LCP1: variants seen among roughly 807,000 people sequenced by gnomAD.
The protein encoded by LCP1 is lymphocyte cytosolic protein 1.
A neutral mutation model predicts 72.0 loss-of-function variants in LCP1; 23 were observed. The ratio of observed to expected loss-of-function variants is 0.32; its 90% CI spans 0.23 to 0.45. The LOEUF is 0.45. Among genes scored for constraint, LCP1 ranks in the 20% least tolerant of loss-of-function variants. The probability of loss-of-function intolerance (pLI) is 1.00; values close to 1 mark genes in which losing one functional copy is unlikely to be tolerated. For missense variants in LCP1, 571 were observed against 748.3 expected (o/e 0.76, Z 2.76); for synonymous variants, 245 against 275.4 (o/e 0.89, Z 1.09).
intron 14 of LCP1, 151 bp downstream of exon 14, chr13:46,133,976 C>T (rs879161172): frequency 3.2e-6 from 2 of 616,660 alleles, no homozygotes; most frequent in South Asian, 2.6e-5. Flanking sequence ...GGCTGATGAA[C>T]ATCAAAACAA....
chr13:46,143,077 G>A (rs1344484738), intron 12 of LCP1, among the ~76,000 whole-genome samples: 2 of 152,204 alleles, frequency 1.3e-5, no homozygotes, highest in African/African-American at 4.8e-5. Context: ...GATAATGTTT[G>A]AAGACATCCA....
At chr13:46,153,866 C>A (rs1023285929) in intron 6 of LCP1, among the ~76,000 whole-genome samples, 1 of 152,062 alleles carries the variant, frequency 6.6e-6, no homozygotes, top group African/African-American at 2.4e-5. Flanking sequence ...TGAGTAACAA[C>A]AATGCAGGTA....
intron 10 of LCP1, among the ~76,000 whole-genome samples, chr13:46,146,326 G>C (rs2045730684): frequency 6.6e-6 from 1 of 152,120 alleles, no homozygotes; most frequent in African/African-American, 2.4e-5. Flanking sequence ...ACTAGTTCAT[G>C]ATTTTTTTAA....
chr13:46,171,119 G>C (rs2045902625), intron 1 of LCP1, among the ~76,000 whole-genome samples: 1 of 152,216 alleles, frequency 6.6e-6, no homozygotes, highest in Admixed American at 6.5e-5. Context: ...TAACATTAAT[G>C]AGTGGTTAAC....
At chr13:46,148,799 A>G in intron 8 of LCP1, 1 of 913,244 alleles carries the variant, frequency 1.1e-6, no homozygotes, top group South Asian at 5.1e-5. Flanking sequence ...TTGCTGTAGA[A>G]GTCAGTCAGC....
chr13:46,169,373 T>C (rs2045893516), intron 1 of LCP1: 1 of 152,218 alleles, frequency 6.6e-6, no homozygotes, highest in African/African-American at 2.4e-5. Flanking sequence ...CATACAAATA[T>C]TGTGTACACT....
At chr13:46,148,165 G>A (rs1593951141) in intron 9 of LCP1, among the ~76,000 whole-genome samples, 187 bp downstream of exon 9, 1 of 152,172 alleles carries the variant, frequency 6.6e-6, no homozygotes, top group Non-Finnish European at 1.5e-5. Flanking sequence ...TTTCTTTAAT[G>A]TTGTATTTCC....
Position 46,169,215 on chromosome 13 carries a change from C to T in LCP1, c.-24-9529G>A, listed in dbSNP as rs530470993. ...GACTCTTCTCTTTAATTAAGACCTT[C>T]TTCACATATAGTAAGAACAATCCCC... On this transcript the variant is annotated intron_variant, in intron 1 of 15. Coordinates refer to ENST00000323076, the MANE Select transcript of LCP1 (RefSeq NM_002298.5). Among the ~76,000 whole-genome samples the T allele has an allele frequency of 2.4e-3, 364 of 152,298 alleles. 2 individuals carry two copies. The highest frequency in any genetic ancestry group is 3.9e-3 in the Non-Finnish European group (263 of 68,016).
rs1245671454 is a variant in LCP1, at chr13:46,156,498, A to T, written c.431T>A (p.Ile144Asn). 2 of 1,614,072 alleles carry T rather than the reference A, an allele frequency of 1.2e-6. No homozygotes were observed. Among genetic ancestry groups the T allele is most frequent in the African/African-American group, 1.3e-5 (1 of 74,932 alleles). ...ATCATTCGTGTTTGGGTTCATTGGG[A>T]TGACATGCCGACAATCAGGATCATT... ...LENDPDCRHV[I>N]PMNPNTNDLF... Residue 144 changes from isoleucine (I) to asparagine (N), a missense_variant, in exon 5 of 16, where the codon ATC becomes AAC. Transcript: ENST00000323076.
rs368426940 is a variant in LCP1, at chr13:46,154,902, T to A, written c.492-16A>T. On this transcript the variant is annotated splice_polypyrimidine_tract_variant and intron_variant, in intron 5 of 15. Transcript: ENST00000323076. ...GATCATTTTACTGAAAGAGAAACAA[T>A]TAAATTAAAGAAAGCAGTCTTCTGA... The A allele has an allele frequency of 3.1e-6, 5 of 1,603,510 alleles. No individual in the cohort carries two copies. In the African/African-American group the frequency reaches 6.7e-5, roughly 21 times the overall value.
chr13:46,178,421 A>G (rs1276386041), intron 1 of LCP1, among the ~76,000 whole-genome samples: 1 of 152,188 alleles, frequency 6.6e-6, no homozygotes, highest in African/African-American at 2.4e-5. Flanking sequence ...AACTGAGGAA[A>G]GCAACAAGGA....
chr13:46,170,468 T>C (rs1392712537), intron 1 of LCP1, among the ~76,000 whole-genome samples: 5 of 152,012 alleles, frequency 3.3e-5, no homozygotes, highest in Non-Finnish European at 7.3e-5. Flanking sequence ...AGTGGGTCTC[T>C]ATCCAACTCT....
rs755107340 is a variant in LCP1 at position 46,127,306 on chromosome 13, C to T, written c.*285G>A. On this transcript the variant is annotated 3_prime_UTR_variant, in exon 16 of 16. Coordinates refer to ENST00000323076, the MANE Select transcript of LCP1 (RefSeq NM_002298.5). Reference sequence around the variant, plus strand: ...TTCTATCCTTGGCTAATGGCAAAAGCGAGAAGGGTACCTGGAAAATAACTT... The same window carrying T: ...TTCTATCCTTGGCTAATGGCAAAAGTGAGAAGGGTACCTGGAAAATAACTT... 7 of 332,928 alleles carry T rather than the reference C, an allele frequency of 2.1e-5. No homozygotes were observed. Among genetic ancestry groups the T allele is most frequent in the Admixed American group, 4.5e-5 (1 of 22,060 alleles). 20.6% of individuals were successfully genotyped at this position (332,928 alleles called of 1,614,324 possible).
chr13:46,156,655 T>G, intron 4 of LCP1, 85 bp from the exon 5 acceptor site: 1 of 1,406,452 alleles, frequency 7.1e-7, no homozygotes, highest in Non-Finnish European at 1.0e-6. Context: ...TAAATTCTCA[T>G]TCCCAGCAGA....
intron 5 of LCP1, 53 bp downstream of exon 5, chr13:46,156,385 A>G: frequency 6.3e-7 from 1 of 1,599,102 alleles, no homozygotes; most frequent in East Asian, 2.2e-5. Context: ...TTAATTGTTG[A>G]TGGTCTAGAA....
chr13:46,138,550 C>T (rs533338686), intron 13 of LCP1, among the ~76,000 whole-genome samples: 46 of 152,274 alleles, frequency 3.0e-4, no homozygotes, highest in African/African-American at 1.0e-3. Flanking sequence ...TTAAATAGGG[C>T]TTTGAGCCAC....
intron 1 of LCP1, among the ~76,000 whole-genome samples, chr13:46,162,839 C>G (rs1489563136): frequency 6.6e-6 from 1 of 152,000 alleles, no homozygotes; most frequent in Non-Finnish European, 1.5e-5. Flanking sequence ...GGCCGCGACC[C>G]CGTCTGGGAG....
At chr13:46,142,786 A>G (rs1566436374) in intron 12 of LCP1, 1 of 470,274 alleles carries the variant, frequency 2.1e-6, no homozygotes, top group Non-Finnish European at 4.2e-6. Flanking sequence ...TGGAGTCTCC[A>G]TCCTCTGCAC....
At chr13:46,170,983 G>T (rs1566446234) in intron 1 of LCP1, among the ~76,000 whole-genome samples, 1 of 152,146 alleles carries the variant, frequency 6.6e-6, no homozygotes. Flanking sequence ...AGATCAGTCT[G>T]TTTTTTTCTT....
Sources: gnomAD v4.1 joint callset for allele counts (sites outside exome capture counted in the v4.1 genomes callset) on GRCh38, gnomAD v4.1.1 for gene constraint, MANE v1.5 for transcripts, NCBI Gene and HGNC (gene_info 2026-07-23, HGNC 2026-07-21) for gene names.